Variants in SH2D4A observed in about 807,000 individuals in gnomAD.
The protein encoded by SH2D4A is SH2 domain-containing protein 4A.
Under a neutral mutation model 64.7 loss-of-function variants are expected in SH2D4A, and 70 were observed. The observed-to-expected ratio is 1.08, with a 90% CI of 0.89 to 1.32. The LOEUF is 1.32. Ranked by LOEUF, SH2D4A falls within the 40% of genes most tolerant of loss-of-function variation. The pLI, the probability that SH2D4A is intolerant of heterozygous loss-of-function variation, is 0.00. For synonymous variants in SH2D4A, 268 were observed against 200.7 expected (o/e 1.34, Z -2.83); for missense variants, 706 against 540.1 (o/e 1.31, Z -3.04).
chr8:19,366,446 T>C (rs1167435789), intron 7 of SH2D4A, among the ~76,000 whole-genome samples: 1 of 152,142 alleles, frequency 6.6e-6, no homozygotes, highest in African/African-American at 2.4e-5. Flanking sequence ...AACCTCTCCC[T>C]ATTTACCATC....
rs111460110 is a variant in SH2D4A, at chr8:19,331,855, G to A, written c.182-1100G>A. Among the ~76,000 whole-genome samples the A allele has an allele frequency of 2.1e-3, 324 of 152,292 alleles. 3 individuals carry two copies. Among genetic ancestry groups the A allele is most frequent in the African/African-American group, 7.5e-3 (310 of 41,558 alleles). The stretch of plus-strand genomic sequence containing the variant: ...TTAAGAAAGTTGTCCAAGTCACATA[G>A]CTCGTAAGTGACAGGGCTAGGATTT... On this transcript the variant is annotated intron_variant, in intron 2 of 9. Transcript: ENST00000265807.
At chr8:19,376,127 A>C (rs1012510621) in intron 8 of SH2D4A, among the ~76,000 whole-genome samples, 37 of 152,266 alleles carry the variant, frequency 2.4e-4, no homozygotes, top group African/African-American at 8.7e-4. Context: ...AGGCTTGGTA[A>C]GTCCCAAATC....
At position 19,364,249 on chromosome 8, in the gene SH2D4A, T is replaced by G. The variant is rs768775988; in HGVS notation, c.884T>G (p.Leu295Arg). ...RPPLPPKPQFLNSGAYPQKPL... is the reference protein window; with the variant it reads ...RPPLPPKPQFRNSGAYPQKPL... ...CCCCTTCCACCCAAGCCTCAGTTCC[T>G]AAACTCAGGGGCATATCCTCAAAAA... Residue 295 changes from leucine (L) to arginine (R), a missense_variant, in exon 7 of 10, where the codon CTA becomes CGA. Coordinates refer to ENST00000265807, the MANE Select transcript of SH2D4A (RefSeq NM_022071.4). 1.2e-6 allele frequency: 2 copies of G among 1,614,164 alleles called. No individual in the cohort carries two copies. The highest frequency in any genetic ancestry group is 1.7e-6 in the Non-Finnish European group (2 of 1,179,994).
At chr8:19,341,899 A>T (rs988771798) in intron 4 of SH2D4A, among the ~76,000 whole-genome samples, 1 of 152,104 alleles carries the variant, frequency 6.6e-6, no homozygotes, top group East Asian at 1.9e-4. Context: ...TTCTAAAAAA[A>T]TACTCCAGAC....
At chr8:19,357,373 A>C (rs1211001781) in intron 5 of SH2D4A, 90 bp downstream of exon 5, 1 of 956,622 alleles carries the variant, frequency 1.0e-6, no homozygotes, top group Non-Finnish European at 1.7e-6. Context: ...CTCATGCAGA[A>C]ATGAAATTAA....
chr8:19,392,534 C>G (rs1004273787), intron 8 of SH2D4A, among the ~76,000 whole-genome samples: 1 of 152,116 alleles, frequency 6.6e-6, no homozygotes, highest in Non-Finnish European at 1.5e-5. Context: ...TTGAGAACCA[C>G]TGTCCTAGAC....
intron 7 of SH2D4A, among the ~76,000 whole-genome samples, chr8:19,366,802 A>G (rs918592075): frequency 1.3e-5 from 2 of 152,182 alleles, no homozygotes; most frequent in Non-Finnish European, 2.9e-5. Context: ...AACAACAACA[A>G]AAAAGATCAA....
intron 7 of SH2D4A, among the ~76,000 whole-genome samples, chr8:19,371,034 T>G (rs2053086799): frequency 6.6e-6 from 1 of 152,162 alleles, no homozygotes; most frequent in African/African-American, 2.4e-5. Context: ...TTTTGTATTT[T>G]TGAGTGATGA....
chr8:19,373,455 T>TATATATATATATATACACACCC, intron 7 of SH2D4A, 75 bp from the exon 8 acceptor site: 1 of 962,230 alleles, frequency 1.0e-6, no homozygotes, highest in African/African-American at 1.8e-5. Flanking sequence ...TATATATATA[T>TATATATATATATATACACACCC]ATATATATAT....
chr8:19,316,301 A>C (rs2052087150), intron 1 of SH2D4A, among the ~76,000 whole-genome samples: 1 of 152,340 alleles, frequency 6.6e-6, no homozygotes, highest in East Asian at 1.9e-4. Context: ...TTTGCTATAA[A>C]AAGTAAAACA....
intron 3 of SH2D4A, 107 bp downstream of exon 3, chr8:19,333,221 T>C (rs1362788614): frequency 7.6e-6 from 10 of 1,315,770 alleles, no homozygotes; most frequent in Non-Finnish European, 1.0e-5. Context: ...TAGGGTTGGG[T>C]TGGAGGGTCA....
intron 5 of SH2D4A, 177 bp from the exon 6 acceptor site, chr8:19,361,026 A>T: frequency 4.6e-6 from 2 of 439,458 alleles, no homozygotes; most frequent in African/African-American, 4.1e-5. Flanking sequence ...GGTCAGTCTT[A>T]CTTCAGGTCT....
chr8:19,386,103 G>A (rs1282725028), intron 8 of SH2D4A, among the ~76,000 whole-genome samples: 1 of 152,212 alleles, frequency 6.6e-6, no homozygotes, highest in East Asian at 1.9e-4. Flanking sequence ...GGCAGAGAAG[G>A]ACAGCTGGAA....
chr8:19,394,686 C>A lies in SH2D4A; in HGVS notation c.*44C>A. On this transcript the variant is annotated 3_prime_UTR_variant, in exon 10 of 10. Coordinates refer to ENST00000265807, the MANE Select transcript of SH2D4A (RefSeq NM_022071.4). ...TCCTACAGCCTCCAAGCGGGCTTTC[C>A]CCTGGACAAATGCCACTGCAACATT... The A allele has an allele frequency of 6.7e-7, 1 of 1,491,884 alleles. No homozygotes were observed. The allele number at this position is 1,491,884 out of a possible 1,614,324, so 92.4% of individuals were successfully genotyped here.
At chr8:19,314,233 G>A (rs1345052432) in intron 1 of SH2D4A, among the ~76,000 whole-genome samples, 1 of 152,198 alleles carries the variant, frequency 6.6e-6, no homozygotes, top group Admixed American at 6.5e-5. Flanking sequence ...TGCAGGCCCC[G>A]GGAGGGTCCG....
chr8:19,330,828 AT>A (rs138725792), intron 2 of SH2D4A, among the ~76,000 whole-genome samples: 2,885 of 152,312 alleles, frequency 0.019, 96 homozygotes, highest in African/African-American at 0.066. Context: ...CATAAAAAAA[AT>A]ATTATTAGTT....
chr8:19,379,847 C>T (rs1036309216), intron 8 of SH2D4A, among the ~76,000 whole-genome samples: 1 of 152,126 alleles, frequency 6.6e-6, no homozygotes, highest in Non-Finnish European at 1.5e-5. Flanking sequence ...AGTAATCTTC[C>T]CACCTCAGCC....
chr8:19,343,177 C>T (rs1261454719), intron 4 of SH2D4A, among the ~76,000 whole-genome samples: 1 of 152,132 alleles, frequency 6.6e-6, no homozygotes, highest in African/African-American at 2.4e-5. Context: ...GCAATCCCAG[C>T]ACTTTGGGAG....
At chr8:19,388,773 G>A (rs2053432877) in intron 8 of SH2D4A, among the ~76,000 whole-genome samples, 1 of 152,222 alleles carries the variant, frequency 6.6e-6, no homozygotes, top group Non-Finnish European at 1.5e-5. Context: ...GGAAGTTTCA[G>A]ACTTGATTAT....
Sources: allele counts gnomAD v4.1 joint callset (sites outside exome capture counted in the v4.1 genomes callset), GRCh38; gene constraint gnomAD v4.1.1; transcripts MANE v1.5; gene names NCBI Gene and HGNC (gene_info 2026-07-23, HGNC 2026-07-21).